ARHGAP15: variants seen among roughly 807,000 people sequenced by gnomAD.
ARHGAP15 encodes the protein Rho GTPase activating protein 15, also known as rho GTPase-activating protein 15.
In ARHGAP15, 51 loss-of-function variants were observed where a neutral mutation model predicts 63.7. The ratio of observed to expected loss-of-function variants is 0.80; its 90% CI spans 0.64 to 1.01. The LOEUF (loss-of-function observed/expected upper bound fraction) is 1.01. Among genes scored for constraint, ARHGAP15 ranks in the 50% least tolerant of loss-of-function variants. The probability of loss-of-function intolerance (pLI) is 0.00; values close to 1 mark genes in which losing one functional copy is unlikely to be tolerated. For synonymous variants in ARHGAP15, 191 were observed against 193.8 expected (o/e 0.99, Z 0.12); for missense variants, 560 against 564.6 (o/e 0.99, Z 0.08).
chr2:143,234,114 A>G (rs1412140856), intron 5 of ARHGAP15, among the ~76,000 whole-genome samples: 1 of 152,024 alleles, frequency 6.6e-6, no homozygotes. Context: ...ATTTCTCTTT[A>G]GGTATCTTCC....
intron 12 of ARHGAP15, among the ~76,000 whole-genome samples, chr2:143,690,373 C>T (rs1683541190): frequency 6.6e-6 from 1 of 152,176 alleles, no homozygotes; most frequent in Admixed American, 6.5e-5. Flanking sequence ...TCATGATTTG[C>T]ATCAGCTCTT....
chr2:143,728,453 A>G (rs943587717), intron 13 of ARHGAP15, among the ~76,000 whole-genome samples: 1 of 152,222 alleles, frequency 6.6e-6, no homozygotes, highest in African/African-American at 2.4e-5. Flanking sequence ...AACTCAGCCC[A>G]TATCACACAC....
At chr2:143,686,386 A>C (rs1405214080) in intron 12 of ARHGAP15, among the ~76,000 whole-genome samples, 1 of 27,098 alleles carries the variant, frequency 3.7e-5, no homozygotes, top group African/African-American at 8.3e-5. Context: ...TCTGTCTCAA[A>C]AAAAAAAAAA....
intron 5 of ARHGAP15, among the ~76,000 whole-genome samples, chr2:143,240,834 T>A (rs1012084234): frequency 1.3e-5 from 2 of 152,228 alleles, no homozygotes; most frequent in East Asian, 3.8e-4. Flanking sequence ...GATATTGCTA[T>A]AAATGAAGCC....
chr2:143,723,204 A>G (rs1685138230), intron 13 of ARHGAP15, among the ~76,000 whole-genome samples: 2 of 152,214 alleles, frequency 1.3e-5, no homozygotes, highest in Admixed American at 1.3e-4. Context: ...AGTACACCCT[A>G]TAATGTTCAC....
chr2:143,154,512 C>G (rs950611927), intron 1 of ARHGAP15, among the ~76,000 whole-genome samples: 13 of 151,822 alleles, frequency 8.6e-5, no homozygotes, highest in African/African-American at 3.1e-4. Context: ...ACACAGTGCT[C>G]GGAGCCCGCT....
chr2:143,711,959 A>G (rs1482741570), intron 13 of ARHGAP15, among the ~76,000 whole-genome samples: 1 of 152,184 alleles, frequency 6.6e-6, no homozygotes, highest in Non-Finnish European at 1.5e-5. Context: ...ACCTGTAGAC[A>G]TTAGGAAAAT....
intron 11 of ARHGAP15, among the ~76,000 whole-genome samples, chr2:143,566,225 G>T (rs1696216474): frequency 6.6e-6 from 1 of 152,142 alleles, no homozygotes; most frequent in Non-Finnish European, 1.5e-5. Context: ...GCCCTTATGT[G>T]TATGGACCCA....
intron 9 of ARHGAP15, among the ~76,000 whole-genome samples, chr2:143,494,052 A>G (rs1050695466): frequency 6.6e-6 from 1 of 152,204 alleles, no homozygotes; most frequent in Non-Finnish European, 1.5e-5. Context: ...TAATGTATAT[A>G]GTGGACAGGA....
chr2:143,535,950 G>GT (rs754251363), intron 10 of ARHGAP15, among the ~76,000 whole-genome samples: 1 of 151,846 alleles, frequency 6.6e-6, no homozygotes, highest in Non-Finnish European at 1.5e-5. Flanking sequence ...GATAATGTAT[G>GT]TTTTTTTCAC....
At chr2:143,569,909 A>G (rs1351356595) in intron 11 of ARHGAP15, among the ~76,000 whole-genome samples, 1 of 152,168 alleles carries the variant, frequency 6.6e-6, no homozygotes, top group African/African-American at 2.4e-5. Context: ...ATTTCCTTTA[A>G]GCAATAAAGT....
At position 143,135,466 on chromosome 2, in the gene ARHGAP15, A is replaced by C. The variant is rs529115374; in HGVS notation, c.-15+6000A>C. ...GGAGATACAAAGAAATAGATATGCT[A>C]CTTAGCCAATGAAAACTGTTTAGTA... On this transcript the variant is annotated intron_variant, in intron 1 of 13. Transcript: ENST00000295095. Among the ~76,000 whole-genome samples the C allele has an allele frequency of 2.6e-5, 4 of 152,330 alleles. No individual in the cohort carries two copies. In the East Asian group the frequency reaches 7.7e-4, roughly 29 times the overall value.
intron 10 of ARHGAP15, among the ~76,000 whole-genome samples, chr2:143,553,100 T>C (rs1022000594): frequency 6.6e-6 from 1 of 152,146 alleles, no homozygotes; most frequent in African/African-American, 2.4e-5. Context: ...TAATTGTAAT[T>C]TGGGTAATAG....
intron 8 of ARHGAP15, among the ~76,000 whole-genome samples, chr2:143,452,976 A>C (rs940291401): frequency 6.6e-6 from 1 of 151,988 alleles, no homozygotes; most frequent in Non-Finnish European, 1.5e-5. Flanking sequence ...CAGTATTGTA[A>C]GAACAGAGTT....
At chr2:143,276,303 A>C (rs1681546705) in intron 6 of ARHGAP15, among the ~76,000 whole-genome samples, 1 of 152,190 alleles carries the variant, frequency 6.6e-6, no homozygotes. Flanking sequence ...TACTCTTTGC[A>C]GCCGACTTAC....
intron 11 of ARHGAP15, among the ~76,000 whole-genome samples, chr2:143,592,989 A>G (rs1024227387): frequency 4.6e-5 from 7 of 152,226 alleles, no homozygotes; most frequent in African/African-American, 9.6e-5. Flanking sequence ...CTTTTGTTCT[A>G]CTGCTGCTTG....
chr2:143,361,980 A>G (rs1352827889), intron 6 of ARHGAP15, among the ~76,000 whole-genome samples: 1 of 152,178 alleles, frequency 6.6e-6, no homozygotes, highest in East Asian at 1.9e-4. Context: ...CTAGTGTTAT[A>G]TCCTATGCTG....
At chr2:143,328,707 C>CG (rs1417268395) in intron 6 of ARHGAP15, among the ~76,000 whole-genome samples, 3 of 152,096 alleles carry the variant, frequency 2.0e-5, no homozygotes, top group Admixed American at 6.6e-5. Flanking sequence ...ACATTCTGCA[C>CG]GTGTATCCCA....
chr2:143,156,903 C>T (rs1346550269), intron 2 of ARHGAP15, among the ~76,000 whole-genome samples: 1 of 151,920 alleles, frequency 6.6e-6, no homozygotes, highest in South Asian at 2.1e-4. Flanking sequence ...GAACTTGAGA[C>T]AGTGGTTAGA....
Sources: allele counts gnomAD v4.1 joint callset (sites outside exome capture counted in the v4.1 genomes callset), GRCh38; gene constraint gnomAD v4.1.1; transcripts MANE v1.5; gene names NCBI Gene and HGNC (gene_info 2026-07-23, HGNC 2026-07-21).